The following CIZ1 variants were observed in gnomAD, a reference collection of about 807,000 sequenced individuals.
The protein encoded by CIZ1 is cip1-interacting zinc finger protein.
CIZ1 carries 58 observed loss-of-function variants against 118.6 expected under a neutral mutation model. The ratio of observed to expected loss-of-function variants is 0.49; its 90% CI spans 0.40 to 0.61. The LOEUF (loss-of-function observed/expected upper bound fraction) is 0.61. CIZ1 is among the 20% of genes least tolerant of loss of function. CIZ1 has a pLI of 0.00. For synonymous variants in CIZ1, 448 were observed against 443.4 expected (o/e 1.01, Z -0.13); for missense variants, 921 against 1,115.9 (o/e 0.83, Z 2.49).
At chr9:128,172,690 A>G (rs1215391081) in intron 11 of CIZ1, among the ~76,000 whole-genome samples, 2 of 152,220 alleles carry the variant, frequency 1.3e-5, no homozygotes, top group Admixed American at 6.5e-5. Context: ...TTATTTTTAA[A>G]GATTGTATAA....
upstream of CIZ1, among the ~76,000 whole-genome samples, chr9:128,193,151 T>C (rs1833277559): frequency 2.0e-5 from 3 of 152,132 alleles, no homozygotes; most frequent in Admixed American, 2.0e-4. Context: ...AGCTAGGACT[T>C]AGAGGCGCGA....
At chr9:128,167,470 TCATA>T in intron 14 of CIZ1, 1 of 357,710 alleles carries the variant, frequency 2.8e-6, no homozygotes, top group Non-Finnish European at 5.1e-6. Flanking sequence ...GACTGAATCC[TCATA>T]ACAGCCCTCT....
At chr9:128,200,261 G>A (rs978762066) in intron 1 of CIZ1, 1 of 152,262 alleles carries the variant, frequency 6.6e-6, no homozygotes, top group East Asian at 1.9e-4. Flanking sequence ...CTAAGCTATA[G>A]TGGTTATCTC....
intron 4 of CIZ1, 56 bp from the exon 5 acceptor site, chr9:128,185,832 T>C: frequency 1.6e-6 from 2 of 1,253,972 alleles, no homozygotes; most frequent in Admixed American, 1.9e-5. Flanking sequence ...TGGCAGAAGG[T>C]AGGGTCAGGC....
Position 128,180,569 on chromosome 9 carries a change from G to C in CIZ1, c.683-46C>G, listed in dbSNP as rs778452248. On this transcript the variant is annotated intron_variant, in intron 6 of 16. Coordinates refer to ENST00000372938, the MANE Select transcript of CIZ1 (RefSeq NM_001131016.2). ...AGGGAACTCATGTTGGGAAGAGCAA[G>C]CATCTCTGACCTCCAAGAGATGGGG... The C allele has an allele frequency of 1.9e-6, 3 of 1,541,180 alleles. No individual in the cohort carries two copies. The East Asian group carries it at 6.7e-5, about 35-fold the overall frequency.
At chr9:128,189,712 C>T (rs1832884770) in intron 3 of CIZ1, among the ~76,000 whole-genome samples, 1 of 151,090 alleles carries the variant, frequency 6.6e-6, no homozygotes, top group South Asian at 2.1e-4. Flanking sequence ...CCCAGCTACT[C>T]GGGAAGCTAA....
chr9:128,203,491 A>G lies in CIZ1; in HGVS notation c.-6+695T>C, dbSNP rs769986411. 3.9e-6 allele frequency: 6 copies of G among 1,526,638 alleles called. No individual in the cohort carries two copies. The East Asian group carries it at 1.7e-4, about 43-fold the overall frequency. 94.6% of individuals were successfully genotyped at this position (1,526,638 alleles called of 1,614,324 possible). ...CAGCCATGGGCAACCGCGGCATGGA[A>G]GATCTCATCCCGCTGGTCAACCGGC... is the stretch of plus-strand genomic sequence containing the variant. On this transcript the variant is annotated intron_variant, in intron 1 of 17. Coordinates refer to the CIZ1 transcript ENST00000372948. This position sits in a 1 kb window ranked among gnomAD's most constrained non-coding sequence, Gnocchi z 5.3.
chr9:128,192,899 C>T (rs1181824504), upstream of CIZ1, among the ~76,000 whole-genome samples: 1 of 152,258 alleles, frequency 6.6e-6, no homozygotes, highest in Non-Finnish European at 1.5e-5. Context: ...GTGTCACAGC[C>T]TGGGCGACTC....
At chr9:128,168,589 G>A (rs369230898) in intron 14 of CIZ1, 1 of 155,870 alleles carries the variant, frequency 6.4e-6, no homozygotes, top group East Asian at 1.9e-4. Context: ...ATGAGAGACA[G>A]GGTAGCTGCG....
intron 7 of CIZ1, 127 bp from the exon 8 acceptor site, chr9:128,179,542 G>A (rs193136955): frequency 7.3e-5 from 57 of 779,290 alleles, no homozygotes; most frequent in Non-Finnish European, 1.1e-4. Context: ...GGAGGCTGAG[G>A]CAGGTGGATC....
chr9:128,203,721 A>AGCCCCCGACGCTGCACCCGCG lies in CIZ1; in HGVS notation c.-6+444_-6+464dup. 1 of 1,241,810 alleles carries AGCCCCCGACGCTGCACCCGCG rather than the reference A, an allele frequency of 8.1e-7. No homozygotes were observed. Among genetic ancestry groups the AGCCCCCGACGCTGCACCCGCG allele is most frequent in the South Asian group, 2.1e-5 (1 of 47,150 alleles). The allele number at this position is 1,241,810 out of a possible 1,614,324, so 76.9% of individuals were successfully genotyped here. On this transcript the variant is annotated intron_variant, in intron 1 of 17. Transcript: ENST00000372948. This position sits in a 1 kb window ranked among gnomAD's most constrained non-coding sequence, Gnocchi z 5.3. Reference sequence around the variant, plus strand: ...GGCACTGACGGCGCGGCGACCTCGCAGCCCCCGACGCTGCACCCGCGGCCG... The same window carrying AGCCCCCGACGCTGCACCCGCG: ...GGCACTGACGGCGCGGCGACCTCGCAGCCCCCGACGCTGCACCCGCGGCCCCCGACGCTGCACCCGCGGCCG...
At chr9:128,169,702 TGAGA>T in intron 12 of CIZ1, 183 bp from the exon 13 acceptor site, 1 of 1,536,128 alleles carries the variant, frequency 6.5e-7, no homozygotes, top group Non-Finnish European at 8.7e-7. Flanking sequence ...TGTGGGTGGC[TGAGA>T]GATAGGATGG....
At chr9:128,201,181 T>C (rs1305222717) in intron 1 of CIZ1, among the ~76,000 whole-genome samples, 3 of 151,972 alleles carry the variant, frequency 2.0e-5, no homozygotes, top group African/African-American at 7.3e-5. Flanking sequence ...GGCAGGAGAA[T>C]TGCTTGAACC....
At chr9:128,193,527 A>G (rs1833297925), upstream of CIZ1, among the ~76,000 whole-genome samples, 1 of 152,070 alleles carries the variant, frequency 6.6e-6, no homozygotes. Context: ...CCTGGCCAAC[A>G]TGGTAAAACT....
chr9:128,167,961 T>C (rs551961855), intron 14 of CIZ1, among the ~76,000 whole-genome samples: 17 of 152,198 alleles, frequency 1.1e-4, no homozygotes, highest in Admixed American at 1.3e-4. Context: ...CCTGAGATGA[T>C]GTGACTACTG....
intron 10 of CIZ1, 127 bp downstream of exon 10, chr9:128,177,439 T>G: frequency 3.1e-6 from 2 of 640,240 alleles, no homozygotes; most frequent in Non-Finnish European, 2.4e-6. Context: ...GGTCAGGAAA[T>G]GTTTCCCAAG....
chr9:128,200,600 G>C (rs142469585), intron 1 of CIZ1, among the ~76,000 whole-genome samples: 2 of 151,218 alleles, frequency 1.3e-5, no homozygotes, highest in African/African-American at 4.9e-5. Context: ...AGAGGTTGCA[G>C]TGAGCTGAGA....
chr9:128,189,295 C>T (rs1832835597), intron 3 of CIZ1, among the ~76,000 whole-genome samples: 1 of 152,174 alleles, frequency 6.6e-6, no homozygotes, highest in Non-Finnish European at 1.5e-5. Flanking sequence ...GTATATGTGG[C>T]AGGTCCCTGT....
upstream of CIZ1, among the ~76,000 whole-genome samples, chr9:128,196,667 G>C (rs769553079): frequency 1.2e-4 from 19 of 152,002 alleles, no homozygotes; most frequent in Non-Finnish European, 2.4e-4. Flanking sequence ...GCAGTGGCAC[G>C]ATCTCTGCTC....
Sources: gnomAD v4.1 joint callset for allele counts (sites outside exome capture counted in the v4.1 genomes callset) on GRCh38, gnomAD v4.1.1 for gene constraint, Gnocchi (gnomAD v3.1) non-coding constraint, MANE v1.5 for transcripts, NCBI Gene and HGNC (gene_info 2026-07-23, HGNC 2026-07-21) for gene names.